The following MOB1A variants were observed in gnomAD, a reference collection of about 807,000 sequenced individuals.
MOB1A encodes MOB kinase activator 1A.
Under a neutral mutation model 25.1 loss-of-function variants are expected in MOB1A, and 10 were observed. The ratio of observed to expected loss-of-function variants is 0.40; its 90% CI spans 0.25 to 0.68. MOB1A has a LOEUF of 0.68. Among genes scored for constraint, MOB1A ranks in the 30% least tolerant of loss-of-function variants. MOB1A has a pLI of 0.40. For missense variants in MOB1A, 177 were observed against 256.3 expected, an observed-to-expected ratio of 0.69 and a Z score of 2.11; for synonymous variants, 81 against 79.5, an observed-to-expected ratio of 1.02 and a Z score of -0.10.
chr2:74,171,867 C>T (rs1572964700), intron 2 of MOB1A, among the ~76,000 whole-genome samples: 2 of 152,018 alleles, frequency 1.3e-5, no homozygotes, highest in East Asian at 3.8e-4. Flanking sequence ...TGAGCCATTG[C>T]ACTCCAGTCT....
Position 74,178,750 on chromosome 2 carries a change from G to A in MOB1A, c.-76C>T. ...GGATTCGGAGCTGGCTAGAGGGAGCGGACCGTCCTTAGCTCACGGGCAGCG... is the reference window on the plus strand; with the variant it reads ...GGATTCGGAGCTGGCTAGAGGGAGCAGACCGTCCTTAGCTCACGGGCAGCG... On this transcript the variant is annotated 5_prime_UTR_variant, in exon 1 of 6. Coordinates refer to ENST00000396049, the MANE Select transcript of MOB1A (RefSeq NM_018221.5). The A allele has an allele frequency of 1.2e-6, 1 of 810,552 alleles. No individual in the cohort carries two copies. The highest frequency in any genetic ancestry group is 1.7e-6 in the Non-Finnish European group (1 of 592,152). 50.2% of individuals were successfully genotyped at this position (810,552 alleles called of 1,614,324 possible).
At chr2:74,170,357 T>G (rs575601844) in intron 2 of MOB1A, among the ~76,000 whole-genome samples, 63 of 151,856 alleles carry the variant, frequency 4.1e-4, no homozygotes, top group Non-Finnish European at 7.4e-4. Context: ...CAGGATGGTC[T>G]CAATCTCCTG....
intron 2 of MOB1A, 76 bp from the exon 3 acceptor site, chr2:74,167,183 G>GA: frequency 9.1e-7 from 1 of 1,097,688 alleles, no homozygotes. Context: ...AGGAAAAACA[G>GA]ACAATACATT....
Position 74,178,747 on chromosome 2 carries a change from A to T in MOB1A, c.-73T>A. 1.4e-6 allele frequency: 1 copy of T among 720,544 alleles called. No homozygotes were observed. Among genetic ancestry groups the T allele is most frequent in the Non-Finnish European group, 1.9e-6 (1 of 526,774 alleles). 44.6% of individuals were successfully genotyped at this position (720,544 alleles called of 1,614,324 possible). A position where few individuals can be genotyped will look rare whatever the true frequency, so the allele number is the denominator to read the frequency against. On this transcript the variant is annotated 5_prime_UTR_variant, in exon 1 of 6. Coordinates refer to ENST00000396049, the MANE Select transcript of MOB1A (RefSeq NM_018221.5). ...TCAGGATTCGGAGCTGGCTAGAGGG[A>T]GCGGACCGTCCTTAGCTCACGGGCA...
intron 4 of MOB1A, among the ~76,000 whole-genome samples, chr2:74,161,365 C>T (rs143961737): frequency 0.016 from 2,508 of 152,254 alleles, 60 homozygotes; most frequent in African/African-American, 0.056. Flanking sequence ...GATTTCTGGC[C>T]GGGTGCAGTG....
Position 74,155,357 on chromosome 2 carries a change from C to G in MOB1A, c.*1211G>C, listed in dbSNP as rs1482904071. 3 of 152,628 alleles carry G rather than the reference C, an allele frequency of 2.0e-5. No homozygotes were observed. The highest frequency in any genetic ancestry group is 6.5e-5 in the Admixed American group (1 of 15,280). The allele number at this position is 152,628 out of a possible 1,614,324, so 9.5% of individuals were successfully genotyped here. ...ACAAGATAAAACCCAAGTGGAAGCT[C>G]AGTCCATCTTTTGAATATTAACAAA... On this transcript the variant is annotated 3_prime_UTR_variant, in exon 6 of 6. Transcript: ENST00000396049.
intron 2 of MOB1A, among the ~76,000 whole-genome samples, chr2:74,171,668 C>G (rs545967864): frequency 3.3e-5 from 5 of 152,196 alleles, no homozygotes; most frequent in African/African-American, 9.6e-5. Flanking sequence ...TTTGGGAGGC[C>G]AAAGCAGGCA....
At chr2:74,178,326 A>G (rs904734884) in intron 1 of MOB1A, 14 of 220,698 alleles carry the variant, frequency 6.3e-5, no homozygotes, top group African/African-American at 3.2e-4. Context: ...GGTTTCTAGA[A>G]GCTCGAGACA....
chr2:74,172,847 A>C (rs771114883), intron 1 of MOB1A, 95 bp from the exon 2 acceptor site: 1 of 1,304,596 alleles, frequency 7.7e-7, no homozygotes, highest in Non-Finnish European at 1.1e-6. Context: ...AGCCTGTAAA[A>C]ATAAAATAAA....
At chr2:74,173,107 G>C (rs1693343277) in intron 1 of MOB1A, 1 of 478,770 alleles carries the variant, frequency 2.1e-6, no homozygotes, top group African/African-American at 2.0e-5. Flanking sequence ...CTGCACTCCA[G>C]CCCAGGTGAC....
At position 74,174,264 on chromosome 2, in the gene MOB1A, C is replaced by T. The variant is rs113020349; in HGVS notation, c.15-1512G>A. 2.6e-3 allele frequency among the ~76,000 whole-genome samples: 345 copies of T among 134,448 alleles called. 2 individuals are homozygous for T. The highest frequency in any genetic ancestry group is 3.7e-3 in the Non-Finnish European group (239 of 65,342). 88.2% of individuals were successfully genotyped at this position (134,448 alleles called of 152,430 possible). A position where few individuals can be genotyped will look rare whatever the true frequency, so the allele number is the denominator to read the frequency against. ...CCAGCTTGGCAACAGAGTGAGACTC[C>T]GTCTCAAAAAAAAAAAAAAAAGAAA... On this transcript the variant is annotated intron_variant, in intron 1 of 5. Coordinates refer to ENST00000396049, the MANE Select transcript of MOB1A (RefSeq NM_018221.5).
At chr2:74,166,665 A>G (rs1443610329) in intron 3 of MOB1A, among the ~76,000 whole-genome samples, 3 of 152,134 alleles carry the variant, frequency 2.0e-5, no homozygotes, top group Non-Finnish European at 4.4e-5. Context: ...GCAAAACCCC[A>G]TTTCTACTAA....
At chr2:74,165,570 G>A (rs535208585) in intron 3 of MOB1A, among the ~76,000 whole-genome samples, 100 of 152,322 alleles carry the variant, frequency 6.6e-4, no homozygotes, top group Non-Finnish European at 9.7e-4. Flanking sequence ...TGTGGCAGGA[G>A]GCAATGCCAG....
At chr2:74,173,004 C>T (rs377334356) in intron 1 of MOB1A, among the ~76,000 whole-genome samples, 3 of 152,060 alleles carry the variant, frequency 2.0e-5, no homozygotes, top group Admixed American at 6.6e-5. Context: ...AGCATGATGG[C>T]GCACACCTGT....
In MOB1A at chr2:74,160,637, T is replaced by C. The variant is rs548568220; in HGVS notation, c.410-1383A>G. Among the ~76,000 whole-genome samples, 3 of 151,478 alleles carry C rather than the reference T, an allele frequency of 2.0e-5. No individual in the cohort carries two copies. In the South Asian group the frequency reaches 6.3e-4, roughly 32 times the overall value. ...ATTGCTTGAACCCGGGAGGTGGAGG[T>C]TGCAGTGAGCCGAGATCGCGCCACT... is the stretch of plus-strand genomic sequence containing the variant. On this transcript the variant is annotated intron_variant, in intron 4 of 5. Coordinates refer to ENST00000396049, the MANE Select transcript of MOB1A (RefSeq NM_018221.5).
chr2:74,165,750 GT>G (rs1693112291), intron 3 of MOB1A, among the ~76,000 whole-genome samples: 1 of 152,140 alleles, frequency 6.6e-6, no homozygotes, highest in African/African-American at 2.4e-5. Context: ...ATAAAACTCT[GT>G]TTTGGGGGCC....
At chr2:74,162,601 T>G (rs1338695721) in intron 4 of MOB1A, among the ~76,000 whole-genome samples, 1 of 152,126 alleles carries the variant, frequency 6.6e-6, no homozygotes, top group East Asian at 1.9e-4. Context: ...CCAAGCTGAA[T>G]TTAACAGATA....
chr2:74,177,230 T>C (rs1482219790), intron 1 of MOB1A, among the ~76,000 whole-genome samples: 1 of 151,152 alleles, frequency 6.6e-6, no homozygotes. Flanking sequence ...GGAGAGTCGC[T>C]TGAACCCGGG....
intron 4 of MOB1A, among the ~76,000 whole-genome samples, chr2:74,162,203 A>C (rs1297388482): frequency 6.6e-6 from 1 of 152,140 alleles, no homozygotes; most frequent in Admixed American, 6.5e-5. Context: ...GAAAAAAGCC[A>C]GGCATGGTGG....
Sources: gnomAD v4.1 joint callset for allele counts (sites outside exome capture counted in the v4.1 genomes callset) on GRCh38, gnomAD v4.1.1 for gene constraint, MANE v1.5 for transcripts, NCBI Gene and HGNC (gene_info 2026-07-23, HGNC 2026-07-21) for gene names.